DPP10: variants seen among roughly 807,000 people sequenced by gnomAD.
DPP10 encodes dipeptidyl peptidase like 10.
DPP10 carries 33 observed loss-of-function variants against 120.9 expected under a neutral mutation model. The ratio of observed to expected loss-of-function variants is 0.27; its 90% CI spans 0.21 to 0.37. The LOEUF is 0.37. Ranked by LOEUF, DPP10 falls within the 10% of genes least tolerant of loss-of-function variation. The pLI is 1.00. For missense variants in DPP10, 816 were observed against 942.8 expected (o/e 0.87, Z 1.76); for synonymous variants, 337 against 326.1 (o/e 1.03, Z -0.36).
At chr2:115,616,499 A>C (rs1320396208) in intron 5 of DPP10, among the ~76,000 whole-genome samples, 1 of 152,164 alleles carries the variant, frequency 6.6e-6, no homozygotes, top group East Asian at 1.9e-4. Context: ...TAAAAAAAAA[A>C]AACTCTGAAA....
At chr2:115,842,155 C>G in intron 25 of DPP10, 56 bp from the exon 26 acceptor site, 2 of 1,490,972 alleles carry the variant, frequency 1.3e-6, no homozygotes, top group South Asian at 1.4e-5. Flanking sequence ...AAAATGAATG[C>G]GAGAGACAAT....
chr2:115,237,165 A>G (rs1293062565), intron 1 of DPP10, among the ~76,000 whole-genome samples: 1 of 151,992 alleles, frequency 6.6e-6, no homozygotes, highest in Non-Finnish European at 1.5e-5. Flanking sequence ...AATTTTTGGC[A>G]TCATTTTTGC....
intron 1 of DPP10, among the ~76,000 whole-genome samples, chr2:114,561,067 G>A (rs1022481928): frequency 6.6e-6 from 1 of 152,234 alleles, no homozygotes; most frequent in African/African-American, 2.4e-5. Context: ...TCTCCTGCCT[G>A]GGTGTCTCCT....
At chr2:115,186,763 C>T (rs558809645) in intron 1 of DPP10, among the ~76,000 whole-genome samples, 2 of 152,194 alleles carry the variant, frequency 1.3e-5, no homozygotes, top group South Asian at 2.1e-4. Context: ...AATTGTTGTC[C>T]TTGTAGGATA....
intron 3 of DPP10, among the ~76,000 whole-genome samples, chr2:115,450,349 C>T (rs763589895): frequency 7.2e-5 from 11 of 151,894 alleles, no homozygotes; most frequent in South Asian, 2.1e-4. Context: ...TTTATATCAT[C>T]GCACAGTGGA....
chr2:115,005,087 G>A (rs1701721305), intron 1 of DPP10, among the ~76,000 whole-genome samples: 1 of 151,800 alleles, frequency 6.6e-6, no homozygotes, highest in Non-Finnish European at 1.5e-5. Flanking sequence ...CTAACTGGGA[G>A]GCACCCTCCA....
intron 5 of DPP10, among the ~76,000 whole-genome samples, chr2:115,538,087 A>G (rs1276000066): frequency 1.3e-5 from 2 of 152,006 alleles, no homozygotes; most frequent in African/African-American, 4.8e-5. Flanking sequence ...TGTGTGTCAC[A>G]CAGGCACAGC....
intron 3 of DPP10, among the ~76,000 whole-genome samples, chr2:115,453,136 T>A (rs1185292704): frequency 6.6e-6 from 1 of 151,544 alleles, no homozygotes; most frequent in Non-Finnish European, 1.5e-5. Context: ...ATAAGAAGGG[T>A]ACATTTTTTT....
chr2:114,703,182 G>A (rs1307443697), intron 1 of DPP10, among the ~76,000 whole-genome samples: 3 of 152,118 alleles, frequency 2.0e-5, no homozygotes, highest in African/African-American at 7.2e-5. Flanking sequence ...TGGTTTTATT[G>A]ACATAGAGTT....
chr2:114,765,348 A>G (rs1574135515), intron 1 of DPP10, among the ~76,000 whole-genome samples: 1 of 152,302 alleles, frequency 6.6e-6, no homozygotes, highest in East Asian at 1.9e-4. Context: ...AAAGCTGTCT[A>G]AAAATGGTTC....
At chr2:115,531,008 T>C (rs1320885921) in intron 5 of DPP10, among the ~76,000 whole-genome samples, 3 of 152,274 alleles carry the variant, frequency 2.0e-5, no homozygotes, top group African/African-American at 7.2e-5. Context: ...TTAAACTGCA[T>C]GTATTTTGTG....
intron 1 of DPP10, among the ~76,000 whole-genome samples, chr2:115,176,004 C>T (rs1235040207): frequency 6.6e-6 from 1 of 152,066 alleles, no homozygotes; most frequent in African/African-American, 2.4e-5. Context: ...CCAGATGATG[C>T]CTAGTCTGTG....
chr2:115,153,669 A>G (rs533751592), intron 1 of DPP10, among the ~76,000 whole-genome samples: 50 of 152,162 alleles, frequency 3.3e-4, no homozygotes, highest in Non-Finnish European at 2.2e-4. Flanking sequence ...AACCCTTTCA[A>G]AAAAAGTATG....
At chr2:114,821,669 C>G (rs1686095622) in intron 1 of DPP10, among the ~76,000 whole-genome samples, 1 of 152,144 alleles carries the variant, frequency 6.6e-6, no homozygotes, top group African/African-American at 2.4e-5. Flanking sequence ...TTCCTAGATA[C>G]AATGGGGTAC....
chr2:114,476,543 G>C (rs1573437953), intron 1 of DPP10, among the ~76,000 whole-genome samples: 1 of 152,088 alleles, frequency 6.6e-6, no homozygotes, highest in Non-Finnish European at 1.5e-5. Flanking sequence ...GGCTCTTTTT[G>C]AGAAACAATG....
chr2:115,413,994 T>C (rs2069162086), intron 3 of DPP10, among the ~76,000 whole-genome samples: 1 of 152,158 alleles, frequency 6.6e-6, no homozygotes. Context: ...TTCATGTATG[T>C]GTCTGATTCA....
chr2:114,444,948 CTT>C (rs896571480), intron 1 of DPP10, among the ~76,000 whole-genome samples: 3 of 152,100 alleles, frequency 2.0e-5, no homozygotes, highest in African/African-American at 7.2e-5. Flanking sequence ...GAAAATCTCT[CTT>C]AGTTCAAATT....
chr2:115,388,127 C>T (rs1404647595), intron 3 of DPP10, among the ~76,000 whole-genome samples: 8 of 152,204 alleles, frequency 5.3e-5, no homozygotes, highest in African/African-American at 2.4e-5. Context: ...TCAGAAGAAG[C>T]GATTGAAAAT....
chr2:114,447,281 C>T (rs1476639258), intron 1 of DPP10, among the ~76,000 whole-genome samples: 1 of 152,104 alleles, frequency 6.6e-6, no homozygotes, highest in African/African-American at 2.4e-5. Context: ...AGGCATGAGC[C>T]ACCGCGCCCG....
Sources: gnomAD v4.1 joint callset for allele counts (sites outside exome capture counted in the v4.1 genomes callset) on GRCh38, gnomAD v4.1.1 for gene constraint, MANE v1.5 for transcripts, NCBI Gene and HGNC (gene_info 2026-07-23, HGNC 2026-07-21) for gene names.